HK1: variants seen among roughly 807,000 people sequenced by gnomAD.
The protein encoded by HK1 is hexokinase 1.
In HK1, 28 loss-of-function variants were observed where a neutral mutation model predicts 91.6. That is an observed-to-expected ratio of 0.31 (90% CI 0.23 to 0.42). HK1 has a LOEUF of 0.42. HK1 is among the 10% of genes least tolerant of loss of function. The pLI, the probability that HK1 is intolerant of heterozygous loss-of-function variation, is 1.00. For synonymous variants in HK1, 430 were observed against 468.1 expected (o/e 0.92, Z 1.05); for missense variants, 770 against 1,219.8 (o/e 0.63, Z 5.49).
At chr10:69,360,071 C>T (rs200618843) in intron 3 of HK1, 26 bp downstream of exon 3, 231 of 1,610,688 alleles carry the variant, frequency 1.4e-4, no homozygotes, top group Non-Finnish European at 1.9e-4. Flanking sequence ...CTCCGGGTCA[C>T]CCCGTCGGGC....
intron 13 of HK1, among the ~76,000 whole-genome samples, chr10:69,387,173 C>T (rs1051196538): frequency 2.0e-5 from 3 of 152,190 alleles, no homozygotes; most frequent in African/African-American, 7.2e-5. Context: ...ATAGAATTGC[C>T]CCTGGTTCCT....
At position 69,338,824 on chromosome 10, in the gene HK1, A is replaced by T. The variant is rs1307385375; in HGVS notation, c.64-5003A>T. On this transcript the variant is annotated intron_variant, in intron 1 of 17. Coordinates refer to ENST00000359426, the MANE Select transcript of HK1 (RefSeq NM_000188.3). The stretch of plus-strand genomic sequence containing the variant: ...GGAAGAGGGGAAAAGGAAGGAGGAG[A>T]GTAAAGATCTGGAGATGCTGTGGAG... 3 of 707,016 alleles carry T rather than the reference A, an allele frequency of 4.2e-6. No individual in the cohort carries two copies. In the African/African-American group the frequency reaches 5.6e-5, roughly 13 times the overall value. 43.8% of individuals were successfully genotyped at this position (707,016 alleles called of 1,614,324 possible). A position where few individuals can be genotyped will look rare whatever the true frequency, so the allele number is the denominator to read the frequency against.
At chr10:69,330,599 G>A (rs1847660512) in intron 1 of HK1, among the ~76,000 whole-genome samples, 1 of 152,114 alleles carries the variant, frequency 6.6e-6, no homozygotes, top group African/African-American at 2.4e-5. Context: ...TGGCATTTGA[G>A]AAAACAGCAG....
At chr10:69,358,629 A>G (rs1038042993) in intron 2 of HK1, among the ~76,000 whole-genome samples, 1 of 152,216 alleles carries the variant, frequency 6.6e-6, no homozygotes. Context: ...TGGGAGGCCA[A>G]AGCGGGTAGA....
At chr10:69,300,476 C>A in intron 4 of HK1, 1 of 839,314 alleles carries the variant, frequency 1.2e-6, no homozygotes, top group Non-Finnish European at 1.9e-6. Flanking sequence ...TTTCGTCTTG[C>A]TTCTTTATGG....
intron 5 of HK1, among the ~76,000 whole-genome samples, chr10:69,308,684 G>A (rs61869984): frequency 2.6e-5 from 4 of 152,134 alleles, no homozygotes; most frequent in Admixed American, 1.3e-4. Flanking sequence ...GTTCCTGGGC[G>A]CCAGGCTACC....
intron 1 of HK1, among the ~76,000 whole-genome samples, chr10:69,320,249 C>T (rs963548552): frequency 1.3e-5 from 2 of 152,138 alleles, no homozygotes; most frequent in African/African-American, 4.8e-5. Flanking sequence ...CACCAGGGTC[C>T]TCCTGGAGGT....
At chr10:69,370,501 G>A (rs1488871926) in intron 7 of HK1, among the ~76,000 whole-genome samples, 1 of 152,118 alleles carries the variant, frequency 6.6e-6, no homozygotes, top group East Asian at 1.9e-4. Flanking sequence ...AGGCCAACAT[G>A]GTATGTGGGG....
intron 5 of HK1, among the ~76,000 whole-genome samples, chr10:69,308,541 A>G (rs775558626): frequency 8.9e-4 from 135 of 152,204 alleles, no homozygotes; most frequent in Non-Finnish European, 1.9e-3. Flanking sequence ...GATTTTTACA[A>G]TGCCTTTCCA....
intron 1 of HK1, among the ~76,000 whole-genome samples, chr10:69,334,443 C>T (rs367660975): frequency 1.3e-5 from 2 of 152,136 alleles, no homozygotes; most frequent in African/African-American, 2.4e-5. Flanking sequence ...TCCCTCTGGG[C>T]CTCAGCCATG....
chr10:69,342,893 A>T (rs16926252), intron 1 of HK1, among the ~76,000 whole-genome samples: 9,862 of 152,254 alleles, frequency 0.065, 524 homozygotes, highest in African/African-American at 0.14. Flanking sequence ...AAATGCGAAG[A>T]TGCCATGAAG....
At chr10:69,319,240 C>G (rs1333295329) in intron 1 of HK1, 1 of 620,132 alleles carries the variant, frequency 1.6e-6, no homozygotes, top group African/African-American at 1.8e-5. Flanking sequence ...ACCCCCGAGA[C>G]CGGGCTGCCT....
intron 8 of HK1, among the ~76,000 whole-genome samples, chr10:69,378,513 A>C (rs10823355): frequency 0.15 from 22,349 of 152,228 alleles, 1,714 homozygotes; most frequent in South Asian, 0.18. Flanking sequence ...TGAAACTGTC[A>C]TTATTTGCAA....
upstream of HK1, among the ~76,000 whole-genome samples, chr10:69,310,872 A>T (rs1013505113): frequency 6.6e-6 from 1 of 152,052 alleles, no homozygotes; most frequent in Non-Finnish European, 1.5e-5. Flanking sequence ...GCCTGGCCAA[A>T]ATGGTGAAAC....
At chr10:69,307,044 G>T (rs1790087666) in intron 5 of HK1, among the ~76,000 whole-genome samples, 1 of 152,162 alleles carries the variant, frequency 6.6e-6, no homozygotes. Context: ...TTAAGGAGAA[G>T]AACATGACTG....
At chr10:69,289,061 C>A (rs1376800147) in intron 3 of HK1, among the ~76,000 whole-genome samples, 1 of 152,074 alleles carries the variant, frequency 6.6e-6, no homozygotes, top group East Asian at 1.9e-4. Flanking sequence ...GCTGGGATTA[C>A]AAGCCGCTCT....
chr10:69,327,143 C>T (rs544013691), intron 1 of HK1, among the ~76,000 whole-genome samples: 7 of 151,240 alleles, frequency 4.6e-5, no homozygotes, highest in African/African-American at 1.7e-4. Flanking sequence ...TAGCTGAGAT[C>T]ATACCTGGCT....
chr10:69,294,324 C>T (rs10998700), intron 3 of HK1, among the ~76,000 whole-genome samples: 46,984 of 151,946 alleles, frequency 0.31, 7,679 homozygotes, highest in Non-Finnish European at 0.36. Context: ...AACAATTTAC[C>T]ACACCCTCCC....
At chr10:69,293,382 A>G (rs935221653) in intron 3 of HK1, among the ~76,000 whole-genome samples, 2 of 152,318 alleles carry the variant, frequency 1.3e-5, no homozygotes, top group East Asian at 1.9e-4. Flanking sequence ...TCAAGCATCT[A>G]AACAGGCCAG....
Sources: allele counts gnomAD v4.1 joint callset (sites outside exome capture counted in the v4.1 genomes callset), GRCh38; gene constraint gnomAD v4.1.1; transcripts MANE v1.5; gene names NCBI Gene and HGNC (gene_info 2026-07-23, HGNC 2026-07-21).